MAGI1: variants seen among roughly 807,000 people sequenced by gnomAD.
MAGI1 encodes membrane associated guanylate kinase, WW and PDZ domain containing 1.
Under a neutral mutation model 139.9 loss-of-function variants are expected in MAGI1, and 58 were observed. That is an observed-to-expected ratio of 0.41 (90% CI 0.34 to 0.52). The LOEUF is 0.52. Ranked by LOEUF, MAGI1 falls within the 20% of genes least tolerant of loss-of-function variation. The probability of loss-of-function intolerance (pLI) is 0.12; values close to 1 mark genes in which losing one functional copy is unlikely to be tolerated. For missense variants in MAGI1, 1,874 were observed against 1,901.6 expected (o/e 0.99, Z 0.27); for synonymous variants, 812 against 737.9 (o/e 1.10, Z -1.63).
At chr3:65,426,153 G>A (rs1248661282) in intron 12 of MAGI1, among the ~76,000 whole-genome samples, 1 of 152,156 alleles carries the variant, frequency 6.6e-6, no homozygotes, top group Non-Finnish European at 1.5e-5. Context: ...GCAGGGAGAT[G>A]TTGATGAAGA....
chr3:65,881,404 A>AG (rs1380199573), intron 1 of MAGI1, among the ~76,000 whole-genome samples: 1 of 152,150 alleles, frequency 6.6e-6, no homozygotes, highest in Non-Finnish European at 1.5e-5. Context: ...AGGCAGGAGG[A>AG]TCACTCGAGG....
chr3:65,452,051 C>T (rs540357250), intron 6 of MAGI1, among the ~76,000 whole-genome samples: 5 of 152,178 alleles, frequency 3.3e-5, no homozygotes, highest in African/African-American at 7.2e-5. Flanking sequence ...TCTATTATCT[C>T]CCAAGCATGC....
At chr3:65,904,818 T>A (rs373158182) in intron 1 of MAGI1, among the ~76,000 whole-genome samples, 53 of 152,300 alleles carry the variant, frequency 3.5e-4, no homozygotes, top group Middle Eastern at 6.8e-3. Context: ...ATTATGTGGA[T>A]GCAGCACCTG....
At chr3:65,995,346 T>C (rs570049689) in intron 1 of MAGI1, among the ~76,000 whole-genome samples, 38 of 152,286 alleles carry the variant, frequency 2.5e-4, no homozygotes, top group East Asian at 7.7e-4. Context: ...CAATGAGTCA[T>C]TAGTAGGTGA....
chr3:65,634,444 T>C (rs555950442), intron 1 of MAGI1, among the ~76,000 whole-genome samples: 1 of 152,278 alleles, frequency 6.6e-6, no homozygotes, highest in African/African-American at 2.4e-5. Flanking sequence ...CTTTCAGTAG[T>C]ATATGGTTAA....
chr3:65,777,656 A>AG (rs2038570215), intron 1 of MAGI1, among the ~76,000 whole-genome samples: 1 of 141,458 alleles, frequency 7.1e-6, no homozygotes, highest in South Asian at 2.1e-4. Flanking sequence ...AAAAAAAAAA[A>AG]AAGAAAGAAA....
At chr3:65,467,733 T>G (rs1377980159) in intron 5 of MAGI1, among the ~76,000 whole-genome samples, 2 of 152,232 alleles carry the variant, frequency 1.3e-5, no homozygotes, top group Admixed American at 6.5e-5. Flanking sequence ...AAATTACTGG[T>G]ACATTCTTTT....
chr3:65,639,201 A>G (rs2107223757), intron 1 of MAGI1, among the ~76,000 whole-genome samples: 1 of 152,314 alleles, frequency 6.6e-6, no homozygotes, highest in African/African-American at 2.4e-5. Flanking sequence ...GGCCCCTTAT[A>G]TATCCCTCAT....
chr3:65,610,824 T>C (rs894516512), intron 2 of MAGI1, among the ~76,000 whole-genome samples: 4 of 140,718 alleles, frequency 2.8e-5, no homozygotes, highest in African/African-American at 5.2e-5. Context: ...GTATATAGTA[T>C]ATATACAGTA....
At chr3:65,531,659 C>T (rs998151977) in intron 2 of MAGI1, among the ~76,000 whole-genome samples, 1 of 152,158 alleles carries the variant, frequency 6.6e-6, no homozygotes, top group Non-Finnish European at 1.5e-5. Flanking sequence ...GGGCATCACC[C>T]TCAAGTGGAA....
chr3:65,923,890 C>T (rs939338560), intron 1 of MAGI1, among the ~76,000 whole-genome samples: 15 of 152,190 alleles, frequency 9.9e-5, no homozygotes, highest in African/African-American at 3.4e-4. Flanking sequence ...AGCTCTGAAA[C>T]TGTAGAGGAT....
chr3:65,823,488 G>A (rs532518284), intron 1 of MAGI1, among the ~76,000 whole-genome samples: 1 of 152,120 alleles, frequency 6.6e-6, no homozygotes, highest in African/African-American at 2.4e-5. Context: ...CTAGTCCAAG[G>A]CTCATGGGAG....
chr3:65,701,982 C>T (rs143612814), intron 1 of MAGI1, among the ~76,000 whole-genome samples: 154 of 152,210 alleles, frequency 1.0e-3, no homozygotes, highest in African/African-American at 3.5e-3. Flanking sequence ...TATTCCCCGA[C>T]GCTTGTTATT....
At chr3:65,422,076 A>G (rs1194706689) in intron 12 of MAGI1, among the ~76,000 whole-genome samples, 1 of 152,236 alleles carries the variant, frequency 6.6e-6, no homozygotes, top group African/African-American at 2.4e-5. Context: ...TGCAATAATT[A>G]AAATCTCTAG....
intron 5 of MAGI1, among the ~76,000 whole-genome samples, chr3:65,463,240 G>T (rs923667108): frequency 6.6e-6 from 1 of 152,232 alleles, no homozygotes; most frequent in Non-Finnish European, 1.5e-5. Flanking sequence ...CTGTGGGTTT[G>T]TCATAAATAG....
intron 1 of MAGI1, among the ~76,000 whole-genome samples, chr3:65,796,050 C>CAAAAAAAAAAAAAAA (rs35663778): frequency 2.9e-5 from 3 of 103,010 alleles, no homozygotes; most frequent in African/African-American, 3.9e-5. Flanking sequence ...GACTCTGTCT[C>CAAAAAAAAAAAAAAA]AAAAAAAAAA....
At chr3:66,024,852 A>G (rs1236348317) in intron 1 of MAGI1, among the ~76,000 whole-genome samples, 1 of 152,194 alleles carries the variant, frequency 6.6e-6, no homozygotes, top group Non-Finnish European at 1.5e-5. Flanking sequence ...CTGACTTGTG[A>G]AGACCACCAT....
At chr3:65,530,298 G>A (rs959335926) in intron 2 of MAGI1, among the ~76,000 whole-genome samples, 8 of 151,974 alleles carry the variant, frequency 5.3e-5, no homozygotes, top group Non-Finnish European at 1.2e-4. Context: ...TGAATTAGGC[G>A]AGTCTTTCAC....
chr3:65,979,093 C>CCA (rs1553742273), intron 1 of MAGI1, among the ~76,000 whole-genome samples: 3 of 51,542 alleles, frequency 5.8e-5, no homozygotes, highest in Non-Finnish European at 9.3e-5. Flanking sequence ...TTTCTTCCCC[C>CCA]CCCCCGCCAC....
Sources: allele counts gnomAD v4.1 joint callset (sites outside exome capture counted in the v4.1 genomes callset), GRCh38; gene constraint gnomAD v4.1.1; transcripts MANE v1.5; gene names NCBI Gene and HGNC (gene_info 2026-07-23, HGNC 2026-07-21).